Variants in MASP1 observed in about 807,000 individuals in gnomAD.
MASP1 encodes mannan-binding lectin serine protease 1.
In MASP1, 59 loss-of-function variants were observed where a neutral mutation model predicts 77.1. That is an observed-to-expected ratio of 0.77 (90% confidence interval 0.62 to 0.95). The LOEUF is 0.95. MASP1 is among the 40% of genes least tolerant of loss of function. The pLI is 0.00. For missense variants in MASP1, 885 were observed against 912.9 expected (o/e 0.97, Z 0.39); for synonymous variants, 362 against 354.5 (o/e 1.02, Z -0.24).
intron 1 of MASP1, among the ~76,000 whole-genome samples, chr3:187,288,347 A>G (rs1718023101): frequency 6.6e-6 from 1 of 152,196 alleles, no homozygotes; most frequent in South Asian, 2.1e-4. Flanking sequence ...CAAGTGAGGA[A>G]ATGAACCAGT....
intron 12 of MASP1, among the ~76,000 whole-genome samples, chr3:187,225,729 G>A (rs966424364): frequency 3.3e-5 from 5 of 152,116 alleles, no homozygotes; most frequent in African/African-American, 1.2e-4. Flanking sequence ...TGATGCTGTT[G>A]CCTTGTAATG....
At chr3:187,286,888 T>C (rs1447130254) in intron 1 of MASP1, among the ~76,000 whole-genome samples, 1 of 152,164 alleles carries the variant, frequency 6.6e-6, no homozygotes. Context: ...CATTTCTGAT[T>C]TCTGTTCATG....
intron 9 of MASP1, 50 bp from the exon 10 acceptor site, chr3:187,241,605 TAA>T: frequency 4.1e-6 from 5 of 1,214,564 alleles, no homozygotes; most frequent in Non-Finnish European, 6.1e-6. Flanking sequence ...GGTTGATTTG[TAA>T]CACATGGAAA....
At chr3:187,261,506 T>G (rs1715575062) in intron 3 of MASP1, among the ~76,000 whole-genome samples, 1 of 152,236 alleles carries the variant, frequency 6.6e-6, no homozygotes, top group Non-Finnish European at 1.5e-5. Flanking sequence ...GGAATGCAGT[T>G]TAAACCACAA....
At chr3:187,241,261 G>A (rs891435045) in intron 10 of MASP1, among the ~76,000 whole-genome samples, 2 of 152,186 alleles carry the variant, frequency 1.3e-5, no homozygotes, top group Admixed American at 6.5e-5. Context: ...GACGGGACAG[G>A]AGGGCTCTCA....
chr3:187,265,042 C>T (rs1296675338), intron 2 of MASP1, among the ~76,000 whole-genome samples: 1 of 152,130 alleles, frequency 6.6e-6, no homozygotes, highest in Non-Finnish European at 1.5e-5. Flanking sequence ...ACTAGCTGAG[C>T]TCTAGATTCC....
intron 2 of MASP1, among the ~76,000 whole-genome samples, chr3:187,264,448 T>C (rs1431147981): frequency 1.3e-5 from 2 of 151,090 alleles, no homozygotes; most frequent in Non-Finnish European, 3.0e-5. Context: ...TAACTATAAC[T>C]AAAAATTTTC....
intron 8 of MASP1, among the ~76,000 whole-genome samples, chr3:187,247,712 G>T (rs1053370898): frequency 6.6e-6 from 1 of 152,140 alleles, no homozygotes; most frequent in African/African-American, 2.4e-5. Flanking sequence ...AGTAGAACAG[G>T]GCTTGTCCCG....
downstream of MASP1, among the ~76,000 whole-genome samples, chr3:187,232,646 G>A (rs563122879): frequency 1.6e-4 from 25 of 152,304 alleles, no homozygotes; most frequent in African/African-American, 6.0e-4. Flanking sequence ...AGGAGAAGGA[G>A]AGTGATGTGT....
chr3:187,222,068 G>A (rs552902709), intron 14 of MASP1, among the ~76,000 whole-genome samples: 1 of 152,184 alleles, frequency 6.6e-6, no homozygotes, highest in Admixed American at 6.5e-5. Flanking sequence ...GCCTTCCCTG[G>A]ATAAGGGGAG....
At chr3:187,266,557 T>C (rs1716035825) in intron 2 of MASP1, among the ~76,000 whole-genome samples, 1 of 152,042 alleles carries the variant, frequency 6.6e-6, no homozygotes, top group Admixed American at 6.6e-5. Flanking sequence ...GAATAGAATG[T>C]AGGCAGGTAG....
intron 2 of MASP1, among the ~76,000 whole-genome samples, chr3:187,274,905 G>A (rs1177822741): frequency 6.6e-6 from 1 of 151,760 alleles, no homozygotes; most frequent in Non-Finnish European, 1.5e-5. Flanking sequence ...AGCCTGGGAA[G>A]CGGGCATCCC....
At chr3:187,269,116 T>A (rs1269903379) in intron 2 of MASP1, among the ~76,000 whole-genome samples, 1 of 151,274 alleles carries the variant, frequency 6.6e-6, no homozygotes, top group Non-Finnish European at 1.5e-5. Flanking sequence ...AGGGTAAATG[T>A]CAAATCAATG....
downstream of MASP1, among the ~76,000 whole-genome samples, chr3:187,232,943 C>T (rs1164300184): frequency 6.6e-6 from 1 of 152,160 alleles, no homozygotes; most frequent in Admixed American, 6.5e-5. Flanking sequence ...GAGTGCGTCC[C>T]ATGGTGAGAC....
chr3:187,260,104 A>G lies in MASP1; in HGVS notation c.547+637T>C, dbSNP rs150577596. Among the ~76,000 whole-genome samples the G allele has an allele frequency of 1.8e-4, 27 of 152,322 alleles. No homozygotes were observed. In the East Asian group the frequency reaches 4.6e-3, roughly 26 times the overall value. On this transcript the variant is annotated intron_variant, in intron 4 of 10. Coordinates refer to ENST00000296280, the MANE Select transcript of MASP1 (RefSeq NM_139125.4). ...TTAATGTTAAAATGGAGACCATAAG[A>G]CACTTCACCATTTGCTTACATGCCC...
intron 2 of MASP1, chr3:187,262,934 A>G (rs1308970574): frequency 1.9e-6 from 1 of 538,802 alleles, no homozygotes. Context: ...ATTTAGTTCC[A>G]TTAGAAGTAG....
chr3:187,241,895 C>T (rs186401647), intron 9 of MASP1: 80 of 304,584 alleles, frequency 2.6e-4, no homozygotes, highest in African/African-American at 1.5e-3. Context: ...CCTTTCTCAG[C>T]TCAGAATCAC....
chr3:187,263,804 T>C (rs1455040553), intron 2 of MASP1, among the ~76,000 whole-genome samples: 1 of 152,180 alleles, frequency 6.6e-6, no homozygotes. Context: ...CCTAAACTGG[T>C]GGCTTAAAGC....
chr3:187,262,773 C>G, intron 2 of MASP1, 53 bp from the exon 3 acceptor site: 1 of 1,546,206 alleles, frequency 6.5e-7, no homozygotes, highest in Non-Finnish European at 8.9e-7. Flanking sequence ...AGCTAGGCTT[C>G]TTTCCTTATC....
Sources: gnomAD v4.1 joint callset for allele counts (sites outside exome capture counted in the v4.1 genomes callset) on GRCh38, gnomAD v4.1.1 for gene constraint, MANE v1.5 for transcripts, NCBI Gene and HGNC (gene_info 2026-07-23, HGNC 2026-07-21) for gene names.